Variants in B4GALT5 observed in about 807,000 individuals in gnomAD.
B4GALT5 encodes the protein UDP-Gal:beta-GlcNAc beta-1,4-galactosyltransferase 5.
B4GALT5 carries 11 observed loss-of-function variants against 45.0 expected under a neutral mutation model. The observed-to-expected ratio is 0.24, with a 90% CI of 0.15 to 0.40. The LOEUF is 0.40. B4GALT5 is among the 10% of genes least tolerant of loss of function. B4GALT5 has a pLI of 1.00. For synonymous variants in B4GALT5, 185 were observed against 182.9 expected (o/e 1.01, Z -0.09); for missense variants, 337 against 500.2 (o/e 0.67, Z 3.11).
intron 1 of B4GALT5, among the ~76,000 whole-genome samples, chr20:49,666,677 A>T (rs544078610): frequency 6.6e-6 from 1 of 152,354 alleles, no homozygotes; most frequent in African/African-American, 2.4e-5. Flanking sequence ...AAATACACAG[A>T]TAAGACACAA....
intron 7 of B4GALT5, among the ~76,000 whole-genome samples, chr20:49,638,411 G>T (rs2085562831): frequency 6.6e-6 from 1 of 152,164 alleles, no homozygotes; most frequent in Non-Finnish European, 1.5e-5. Flanking sequence ...CAGATACCAG[G>T]TAGTATTTTG....
In B4GALT5 at chr20:49,666,759, C is replaced by T. The variant is rs144085384; in HGVS notation, c.116-10057G>A. 1.5e-3 allele frequency among the ~76,000 whole-genome samples: 231 copies of T among 152,272 alleles called. 1 individual carries two copies. The highest frequency in any genetic ancestry group is 5.3e-3 in the African/African-American group (222 of 41,558). ...GATTTCTGCCATGCTAGAGTATCTG[C>T]AAAACCTGCATTATCTTTTTAGACC... On this transcript the variant is annotated intron_variant, in intron 1 of 8. Coordinates refer to ENST00000371711, the MANE Select transcript of B4GALT5 (RefSeq NM_004776.4).
intron 2 of B4GALT5, among the ~76,000 whole-genome samples, chr20:49,647,555 A>AT (rs1407846634): frequency 2.0e-5 from 3 of 151,952 alleles, no homozygotes; most frequent in African/African-American, 7.3e-5. Context: ...ATCCCCTTCC[A>AT]TTCCCCAGTC....
chr20:49,706,659 A>G (rs1242590656), intron 1 of B4GALT5, among the ~76,000 whole-genome samples: 1 of 152,212 alleles, frequency 6.6e-6, no homozygotes, highest in Non-Finnish European at 1.5e-5. Context: ...TAGAAAGTGA[A>G]GAACAACTGC....
At chr20:49,636,574 T>C (rs2085554906) in intron 8 of B4GALT5, 115 bp from the exon 9 acceptor site, 5 of 1,232,892 alleles carry the variant, frequency 4.1e-6, no homozygotes, top group East Asian at 4.9e-5. Context: ...GCAGCACTTC[T>C]GCAGCACAAG....
intron 1 of B4GALT5, among the ~76,000 whole-genome samples, chr20:49,696,193 T>G (rs1344309730): frequency 3.3e-5 from 5 of 152,204 alleles, no homozygotes; most frequent in Non-Finnish European, 2.9e-5. Context: ...TACTCACTCT[T>G]GACAAACTAG....
intron 1 of B4GALT5, among the ~76,000 whole-genome samples, chr20:49,671,196 T>G (rs984798717): frequency 1.3e-5 from 2 of 152,118 alleles, no homozygotes; most frequent in Non-Finnish European, 2.9e-5. Context: ...CTGGTCAACA[T>G]GGCGAAACCC....
intron 1 of B4GALT5, among the ~76,000 whole-genome samples, chr20:49,681,478 C>A (rs2085763988): frequency 6.6e-6 from 1 of 152,150 alleles, no homozygotes; most frequent in Non-Finnish European, 1.5e-5. Context: ...GTGATCTCAT[C>A]CAGTCTCATG....
At chr20:49,701,163 A>AT (rs2085859967) in intron 1 of B4GALT5, among the ~76,000 whole-genome samples, 1 of 152,218 alleles carries the variant, frequency 6.6e-6, no homozygotes, top group Admixed American at 6.5e-5. Flanking sequence ...ACAGAGATTA[A>AT]TGAATTTAGC....
chr20:49,672,802 G>A (rs2085721445), intron 1 of B4GALT5, among the ~76,000 whole-genome samples: 1 of 151,752 alleles, frequency 6.6e-6, no homozygotes, highest in African/African-American at 2.4e-5. Flanking sequence ...CAAAGGCTTG[G>A]ATTTAAAAAA....
rs2085552540 is a variant in B4GALT5 at position 49,636,130 on chromosome 20, C to T, written c.*182G>A. The stretch of plus-strand genomic sequence containing the variant: ...CCCAAGCTCACTCCCTCAGTTCCAG[C>T]GGCTGATCCAGTGAAGGCGTTTGTG... On this transcript the variant is annotated 3_prime_UTR_variant, in exon 9 of 9. Transcript: ENST00000371711. The T allele has an allele frequency of 5.5e-6, 4 of 728,308 alleles. No homozygotes were observed. The highest frequency in any genetic ancestry group is 2.8e-5 in the East Asian group (1 of 35,994). 45.1% of individuals were successfully genotyped at this position (728,308 alleles called of 1,614,324 possible).
chr20:49,696,311 T>G (rs1452291926), intron 1 of B4GALT5, among the ~76,000 whole-genome samples: 1 of 152,184 alleles, frequency 6.6e-6, no homozygotes, highest in African/African-American at 2.4e-5. Flanking sequence ...AAAAACTAAT[T>G]AGACATACTG....
intron 1 of B4GALT5, among the ~76,000 whole-genome samples, chr20:49,685,348 C>G (rs2085780886): frequency 1.3e-5 from 2 of 152,106 alleles, no homozygotes; most frequent in Non-Finnish European, 2.9e-5. Flanking sequence ...CCAGGGGCTT[C>G]AAAAATTACT....
chr20:49,707,088 G>A (rs917837145), intron 1 of B4GALT5, among the ~76,000 whole-genome samples: 3 of 152,034 alleles, frequency 2.0e-5, no homozygotes, highest in Admixed American at 1.3e-4. Flanking sequence ...CTGCCGGCTA[G>A]GTATCCTGGA....
intron 1 of B4GALT5, among the ~76,000 whole-genome samples, chr20:49,710,595 T>C (rs918205907): frequency 2.0e-5 from 3 of 152,028 alleles, no homozygotes; most frequent in African/African-American, 7.2e-5. Context: ...AATTTTTGTA[T>C]TTTTAGTACT....
intron 1 of B4GALT5, among the ~76,000 whole-genome samples, chr20:49,691,922 T>C (rs1380288189): frequency 1.3e-5 from 2 of 152,160 alleles, no homozygotes; most frequent in African/African-American, 2.4e-5. Context: ...ACCAAATGAC[T>C]GATTTTATCA....
At chr20:49,682,699 A>G (rs1471905722) in intron 1 of B4GALT5, among the ~76,000 whole-genome samples, 1 of 152,210 alleles carries the variant, frequency 6.6e-6, no homozygotes, top group East Asian at 1.9e-4. Flanking sequence ...CTAATTACCT[A>G]AAAGGACACA....
Position 49,663,690 on chromosome 20 carries a change from A to ATATATATATAT in B4GALT5, c.116-6989_116-6988insATATATATATA, listed in dbSNP as rs1296656944. ...TTCATCTCAAGAAAAAAAAAAAAAA[A>ATATATATATAT]ATATATACATATATATATATATATA... On this transcript the variant is annotated intron_variant, in intron 1 of 8. Coordinates refer to ENST00000371711, the MANE Select transcript of B4GALT5 (RefSeq NM_004776.4). Among the ~76,000 whole-genome samples, 5 of 96,942 alleles carry ATATATATATAT rather than the reference A, an allele frequency of 5.2e-5. 1 individual carries two copies. The highest frequency in any genetic ancestry group is 2.2e-4 in the African/African-American group (5 of 22,434). 63.6% of individuals were successfully genotyped at this position (96,942 alleles called of 152,430 possible).
In B4GALT5 at chr20:49,656,523, G is replaced by A. The variant is rs745441302; in HGVS notation, c.250+45C>T. 8 of 1,606,870 alleles carry A rather than the reference G, an allele frequency of 5.0e-6. No individual in the cohort carries two copies. In the South Asian group the frequency reaches 6.6e-5, roughly 13 times the overall value. On this transcript the variant is annotated intron_variant, in intron 2 of 8. Coordinates refer to ENST00000371711, the MANE Select transcript of B4GALT5 (RefSeq NM_004776.4). ...TATTGCAACCGAATTTACCTCTCTT[G>A]GGAGGAGACATTCTAATCAGACCAC...
Sources: allele counts gnomAD v4.1 joint callset (sites outside exome capture counted in the v4.1 genomes callset), GRCh38; gene constraint gnomAD v4.1.1; transcripts MANE v1.5; gene names NCBI Gene and HGNC (gene_info 2026-07-23, HGNC 2026-07-21).